OPA1: variants seen among roughly 807,000 people sequenced by gnomAD.
OPA1 encodes the protein OPA1 mitochondrial dynamin like GTPase.
A neutral mutation model predicts 152.9 loss-of-function variants in OPA1; 59 were observed. That is an observed-to-expected ratio of 0.39 (90% CI 0.31 to 0.48). OPA1 has a LOEUF of 0.48. Ranked by LOEUF, OPA1 falls within the 20% of genes least tolerant of loss-of-function variation. The pLI is 0.96. For synonymous variants in OPA1, 400 were observed against 389.9 expected (o/e 1.03, Z -0.31); for missense variants, 1,008 against 1,216.8 (o/e 0.83, Z 2.55).
At chr3:193,686,773 C>T (rs1051196322) in intron 29 of OPA1, among the ~76,000 whole-genome samples, 1 of 152,184 alleles carries the variant, frequency 6.6e-6, no homozygotes, top group Non-Finnish European at 1.5e-5. Flanking sequence ...TAGCTTTCTA[C>T]AGTAGAATCT....
At chr3:193,601,248 C>T (rs1726411512) in intron 1 of OPA1, among the ~76,000 whole-genome samples, 3 of 152,096 alleles carry the variant, frequency 2.0e-5, no homozygotes, top group South Asian at 4.2e-4. Context: ...GAATCTTTCC[C>T]CGGTAGAAAC....
At chr3:193,618,761 T>G in intron 5 of OPA1, 108 bp from the exon 6 acceptor site, 1 of 855,344 alleles carries the variant, frequency 1.2e-6, no homozygotes, top group South Asian at 1.4e-5. Flanking sequence ...TGAATCTGAG[T>G]TGCTCTAAAA....
intron 16 of OPA1, among the ~76,000 whole-genome samples, chr3:193,644,601 T>C (rs1734256972): frequency 6.6e-6 from 1 of 152,322 alleles, no homozygotes; most frequent in East Asian, 1.9e-4. Context: ...AGGACAGTAG[T>C]CTCAGGCCTG....
In OPA1 at chr3:193,635,480, A is replaced by G; in HGVS notation, c.906A>G (p.Val302=). 1 of 1,609,448 alleles carries G rather than the reference A, an allele frequency of 6.2e-7. No homozygotes were observed. The highest frequency in any genetic ancestry group is 8.5e-7 in the Non-Finnish European group (1 of 1,176,008). Residue 302 remains valine, a synonymous_variant, in exon 9 of 31, where the codon GTA becomes GTG. Transcript: ENST00000361510. ...AGAACAAAGAATTGAGAAAATTAGT[A>G]TTGCAGAAAGATGACAAAGGCATTC... ...EKENKELRKL[V]LQKDDKGIHH...
intron 29 of OPA1, among the ~76,000 whole-genome samples, chr3:193,683,933 T>C (rs764356571): frequency 6.6e-6 from 1 of 152,224 alleles, no homozygotes; most frequent in Non-Finnish European, 1.5e-5. Context: ...CTCCCAAGTA[T>C]GCTGGGACTT....
chr3:193,686,236 A>G (rs1356811489), intron 29 of OPA1, among the ~76,000 whole-genome samples: 1 of 152,202 alleles, frequency 6.6e-6, no homozygotes. Context: ...GAAGTTTTCC[A>G]TTTGAGTTTT....
At chr3:193,663,238 G>T (rs973776192) in intron 26 of OPA1, among the ~76,000 whole-genome samples, 1 of 152,108 alleles carries the variant, frequency 6.6e-6, no homozygotes, top group African/African-American at 2.4e-5. Context: ...AAAATGGGAT[G>T]AAACCGACCT....
At chr3:193,665,772 T>C (rs2109262127) in intron 27 of OPA1, among the ~76,000 whole-genome samples, 1 of 152,278 alleles carries the variant, frequency 6.6e-6, no homozygotes, top group African/African-American at 2.4e-5. Flanking sequence ...TAATTTTAAT[T>C]GTAGAGTGAA....
intron 29 of OPA1, chr3:193,668,948 C>A: frequency 1.2e-6 from 1 of 822,712 alleles, no homozygotes; most frequent in Non-Finnish European, 1.5e-6. Flanking sequence ...TTTGAGCCTG[C>A]CTTGTTACAA....
At chr3:193,637,317 CAAA>C in intron 10 of OPA1, 36 bp downstream of exon 10, 1 of 1,322,230 alleles carries the variant, frequency 7.6e-7, no homozygotes, top group Middle Eastern at 1.8e-4. Flanking sequence ...TGCCAATTAG[CAAA>C]AAAAGAAGCA....
intron 1 of OPA1, chr3:193,596,806 G>A (rs9856156): frequency 0.5 from 76,443 of 152,054 alleles, 19,665 homozygotes; most frequent in African/African-American, 0.59. Context: ...GCAGCTGTAC[G>A]TTGACAGTTG....
chr3:193,664,859 C>A, intron 26 of OPA1, 21 bp from the exon 27 acceptor site: 1 of 1,271,692 alleles, frequency 7.9e-7, no homozygotes. Context: ...TAACTCTGGG[C>A]TTTCTTTTTT....
At chr3:193,680,280 T>C (rs1719922617) in intron 29 of OPA1, among the ~76,000 whole-genome samples, 1 of 152,244 alleles carries the variant, frequency 6.6e-6, no homozygotes, top group South Asian at 2.1e-4. Context: ...TCGTCTGTTA[T>C]GCCTCCTTTT....
intron 22 of OPA1, among the ~76,000 whole-genome samples, chr3:193,656,449 C>T (rs1713838829): frequency 6.6e-6 from 1 of 152,176 alleles, no homozygotes; most frequent in Admixed American, 6.5e-5. Flanking sequence ...CTGTGCTCTT[C>T]CTTTCACCGT....
At chr3:193,693,849 AT>A (rs1485398374) in intron 30 of OPA1, among the ~76,000 whole-genome samples, 1 of 152,216 alleles carries the variant, frequency 6.6e-6, no homozygotes, top group African/African-American at 2.4e-5. Flanking sequence ...ACTATTAGAA[AT>A]AAACATCTGT....
chr3:193,676,965 A>G (rs1027732840), intron 29 of OPA1, among the ~76,000 whole-genome samples: 4 of 136,394 alleles, frequency 2.9e-5, no homozygotes, highest in Non-Finnish European at 4.7e-5. Flanking sequence ...TGGGTGACAG[A>G]GCAAGACTCG....
chr3:193,690,995 C>G (rs1447442591), intron 29 of OPA1, among the ~76,000 whole-genome samples: 1 of 152,156 alleles, frequency 6.6e-6, no homozygotes, highest in East Asian at 1.9e-4. Flanking sequence ...AGGAGGATCA[C>G]TTGAGCCCAG....
chr3:193,689,605 A>G (rs1264973298), intron 29 of OPA1, among the ~76,000 whole-genome samples: 3 of 152,144 alleles, frequency 2.0e-5, no homozygotes, highest in African/African-American at 4.8e-5. Flanking sequence ...GTATCTTTCA[A>G]TTCAATTGGA....
chr3:193,624,879 A>T (rs1230583774), intron 6 of OPA1, among the ~76,000 whole-genome samples: 1 of 151,964 alleles, frequency 6.6e-6, no homozygotes, highest in Non-Finnish European at 1.5e-5. Flanking sequence ...TATTTTGGGC[A>T]GTCATTTTTT....
Sources: allele counts gnomAD v4.1 joint callset (sites outside exome capture counted in the v4.1 genomes callset), GRCh38; gene constraint gnomAD v4.1.1; transcripts MANE v1.5; gene names NCBI Gene and HGNC (gene_info 2026-07-23, HGNC 2026-07-21).